The following SAXO1 variants were observed in gnomAD, a reference collection of about 807,000 sequenced individuals.
SAXO1 encodes the protein 4930500O09Rik.
SAXO1 carries 21 observed loss-of-function variants against 17.5 expected under a neutral mutation model. That is an observed-to-expected ratio of 1.20 (90% CI 0.85 to 1.72). SAXO1 has a LOEUF of 1.72. SAXO1 is among the 40% of genes most tolerant of loss of function. SAXO1 has a pLI of 0.00. For missense variants in SAXO1, 843 were observed against 596.0 expected (o/e 1.41, Z -4.32); for synonymous variants, 274 against 216.5 (o/e 1.27, Z -2.33).
chr9:19,016,780 T>G (rs991746051), intron 1 of SAXO1, among the ~76,000 whole-genome samples: 2 of 151,482 alleles, frequency 1.3e-5, no homozygotes, highest in Non-Finnish European at 2.9e-5. Flanking sequence ...CATTTTCTTT[T>G]AACTATCTAA....
Position 18,928,071 on chromosome 9 carries a change from T to C in SAXO1, c.1406A>G (p.Glu469Gly). The C allele has an allele frequency of 1.6e-5, 25 of 1,602,698 alleles. No homozygotes were observed. The highest frequency in any genetic ancestry group is 2.0e-5 in the Non-Finnish European group (24 of 1,171,678). The change falls in exon 4 of 4, where the codon GAG becomes GGG. Residue 469 changes from glutamate to glycine, a missense_variant. Transcript: ENST00000380534. ...TCAAAATCAGGCTAACACTTCCAAC[T>C]CCCTCTGGTTGGGGTTTTCTGAATC... Reference protein sequence around the residue: ...VDDSENPNQRELEVLA With the variant: ...VDDSENPNQRGLEVLA
intron 1 of SAXO1, among the ~76,000 whole-genome samples, chr9:19,001,393 T>C (rs1050827135): frequency 1.3e-5 from 2 of 151,894 alleles, no homozygotes; most frequent in Non-Finnish European, 2.9e-5. Context: ...TGAAGCCAGG[T>C]GCGGTGGCTC....
At chr9:18,933,499 T>C (rs77448809) in intron 3 of SAXO1, among the ~76,000 whole-genome samples, 1,867 of 152,340 alleles carry the variant, frequency 0.012, 43 homozygotes, top group African/African-American at 0.042. Context: ...TTACTACTTT[T>C]TGTGTAGATT....
intron 1 of SAXO1, among the ~76,000 whole-genome samples, chr9:18,966,563 C>T (rs1832724935): frequency 6.6e-6 from 1 of 152,130 alleles, no homozygotes. Flanking sequence ...CTTCACCAAG[C>T]TCTTGTGCTG....
At chr9:18,987,843 G>T (rs1482543175) in intron 1 of SAXO1, among the ~76,000 whole-genome samples, 1 of 151,266 alleles carries the variant, frequency 6.6e-6, no homozygotes, top group Admixed American at 6.6e-5. Flanking sequence ...GCTGCAGTGA[G>T]CAGAGATGGC....
At chr9:18,991,675 C>G (rs1479643533) in intron 1 of SAXO1, among the ~76,000 whole-genome samples, 1 of 152,102 alleles carries the variant, frequency 6.6e-6, no homozygotes, top group South Asian at 2.1e-4. Flanking sequence ...TGTACCAAAC[C>G]TGCACATTGT....
intron 1 of SAXO1, among the ~76,000 whole-genome samples, chr9:19,044,762 C>G (rs988336690): frequency 6.6e-6 from 1 of 151,776 alleles, no homozygotes; most frequent in Non-Finnish European, 1.5e-5. Flanking sequence ...ACTTGGGAGG[C>G]TGAGGCAGGA....
chr9:18,936,227 T>C (rs1831282749), intron 3 of SAXO1, among the ~76,000 whole-genome samples: 1 of 152,216 alleles, frequency 6.6e-6, no homozygotes, highest in South Asian at 2.1e-4. Flanking sequence ...ACTATTTATC[T>C]AAAATTGGCT....
At chr9:18,956,615 G>A (rs545676867) in intron 1 of SAXO1, among the ~76,000 whole-genome samples, 2 of 152,226 alleles carry the variant, frequency 1.3e-5, no homozygotes, top group South Asian at 4.1e-4. Context: ...GACTACTTGT[G>A]TAACATTGAG....
At chr9:18,966,256 T>G (rs943760450) in intron 1 of SAXO1, among the ~76,000 whole-genome samples, 1 of 152,204 alleles carries the variant, frequency 6.6e-6, no homozygotes, top group African/African-American at 2.4e-5. Context: ...TCTGGTGTTC[T>G]CTGTATTTCC....
chr9:18,992,699 G>T (rs552551950), intron 1 of SAXO1, among the ~76,000 whole-genome samples: 3 of 152,272 alleles, frequency 2.0e-5, no homozygotes, highest in East Asian at 3.9e-4. Context: ...ACAGACGTTG[G>T]CACATTGGAA....
intron 1 of SAXO1, among the ~76,000 whole-genome samples, chr9:19,044,586 G>T (rs1321336579): frequency 2.6e-5 from 4 of 152,144 alleles, no homozygotes; most frequent in Non-Finnish European, 4.4e-5. Flanking sequence ...TGAATCCGGC[G>T]GGCGCGGTAG....
Position 18,941,760 on chromosome 9 carries a change from C to A in SAXO1, c.298G>T (p.Asp100Tyr), listed in dbSNP as rs761502460. 1 of 1,614,192 alleles carries A rather than the reference C, an allele frequency of 6.2e-7. No individual in the cohort carries two copies. The highest frequency in any genetic ancestry group is 8.5e-7 in the Non-Finnish European group (1 of 1,180,040). The stretch of plus-strand genomic sequence containing the variant: ...TCTTTCTTATACGTCGTGAGCAAAT[C>A]CATATTCTCTTCACTCGGGACGAAC... ...DQFVPSEENM[D>Y]LLTTYKKDYN... The change falls in exon 3 of 4, where the codon GAT becomes TAT. Residue 100 changes from aspartate (D) to tyrosine (Y), a missense_variant. Coordinates refer to ENST00000380534, the MANE Select transcript of SAXO1 (RefSeq NM_153707.4).
At chr9:18,963,484 G>A (rs1832578877) in intron 1 of SAXO1, among the ~76,000 whole-genome samples, 1 of 152,120 alleles carries the variant, frequency 6.6e-6, no homozygotes, top group East Asian at 1.9e-4. Context: ...CTTGAGCAGT[G>A]GCTTGTAGTT....
intron 1 of SAXO1, among the ~76,000 whole-genome samples, chr9:19,018,762 G>A (rs1272806391): frequency 1.3e-5 from 2 of 152,352 alleles, no homozygotes; most frequent in African/African-American, 4.8e-5. Flanking sequence ...AGTGGTTAGA[G>A]ACAGGACGCT....
At chr9:18,973,489 AC>A (rs1340477430) in intron 1 of SAXO1, among the ~76,000 whole-genome samples, 3 of 152,270 alleles carry the variant, frequency 2.0e-5, no homozygotes, top group Non-Finnish European at 1.5e-5. Context: ...TCTCTAGTGC[AC>A]ACACACAGGA....
chr9:18,959,318 T>A (rs1771679675), intron 1 of SAXO1, among the ~76,000 whole-genome samples: 1 of 151,866 alleles, frequency 6.6e-6, no homozygotes, highest in African/African-American at 2.4e-5. Flanking sequence ...ACAAAAATAA[T>A]CGGTGGAAAA....
intron 1 of SAXO1, among the ~76,000 whole-genome samples, chr9:18,967,981 C>T (rs1447968183): frequency 1.3e-5 from 2 of 152,172 alleles, no homozygotes; most frequent in Non-Finnish European, 2.9e-5. Flanking sequence ...TCCCTCACAG[C>T]CTCCGATGGC....
intron 1 of SAXO1, among the ~76,000 whole-genome samples, chr9:19,016,947 T>G (rs1018337376): frequency 1.3e-5 from 2 of 151,918 alleles, no homozygotes; most frequent in African/African-American, 4.8e-5. Flanking sequence ...ACCACCCACC[T>G]TCCTCTGTGA....
Sources: allele counts gnomAD v4.1 joint callset (sites outside exome capture counted in the v4.1 genomes callset), GRCh38; gene constraint gnomAD v4.1.1; transcripts MANE v1.5; gene names NCBI Gene and HGNC (gene_info 2026-07-23, HGNC 2026-07-21).